Variants in SLCO1A2 observed in about 807,000 individuals in gnomAD.
SLCO1A2 encodes OATP-1.
Under a neutral mutation model 69.0 loss-of-function variants are expected in SLCO1A2, and 67 were observed. That is an observed-to-expected ratio of 0.97 (90% CI 0.80 to 1.19). The LOEUF (loss-of-function observed/expected upper bound fraction) is 1.19. Ranked by LOEUF, SLCO1A2 falls within the 50% of genes most tolerant of loss-of-function variation. SLCO1A2 has a pLI of 0.00. For missense variants in SLCO1A2, 787 were observed against 793.7 expected, an observed-to-expected ratio of 0.99 and a Z score of 0.10; for synonymous variants, 260 against 265.9, an observed-to-expected ratio of 0.98 and a Z score of 0.22.
intron 1 of SLCO1A2, among the ~76,000 whole-genome samples, chr12:21,393,977 C>T (rs1360764945): frequency 6.6e-6 from 1 of 152,128 alleles, no homozygotes; most frequent in East Asian, 1.9e-4. Context: ...GTGCTTACCT[C>T]TATAAAACAA....
intron 2 of SLCO1A2, among the ~76,000 whole-genome samples, chr12:21,324,049 A>G (rs4078): frequency 0.11 from 17,436 of 152,262 alleles, 1,093 homozygotes; most frequent in Non-Finnish European, 0.15. Flanking sequence ...CCTTGGAAGT[A>G]AACCAAGGAG....
At chr12:21,289,435 G>C (rs1462866580) in intron 12 of SLCO1A2, among the ~76,000 whole-genome samples, 1 of 152,112 alleles carries the variant, frequency 6.6e-6, no homozygotes, top group Non-Finnish European at 1.5e-5. Flanking sequence ...GAAAGACCAA[G>C]TTATTAGAAG....
intron 1 of SLCO1A2, chr12:21,379,613 G>A (rs12826421): frequency 6.6e-6 from 1 of 152,042 alleles, no homozygotes; most frequent in Non-Finnish European, 1.5e-5. Flanking sequence ...GCTTTGCTTT[G>A]AGTCAGATTC....
intron 1 of SLCO1A2, among the ~76,000 whole-genome samples, chr12:21,407,653 T>C (rs923163582): frequency 6.6e-6 from 1 of 151,890 alleles, no homozygotes; most frequent in African/African-American, 2.4e-5. Flanking sequence ...ACACAAAAAT[T>C]AGCCAGGCAT....
intron 1 of SLCO1A2, among the ~76,000 whole-genome samples, chr12:21,388,189 G>A (rs1202276170): frequency 6.6e-6 from 1 of 150,956 alleles, no homozygotes; most frequent in Non-Finnish European, 1.5e-5. Flanking sequence ...CTTTGGACTT[G>A]GACTTTTGAG....
chr12:21,361,683 T>C (rs1178957975), intron 2 of SLCO1A2, among the ~76,000 whole-genome samples: 1 of 151,992 alleles, frequency 6.6e-6, no homozygotes, highest in Non-Finnish European at 1.5e-5. Flanking sequence ...GAAAAGACAG[T>C]GTAGAGAAGT....
At chr12:21,359,263 T>G (rs10841798) in intron 2 of SLCO1A2, among the ~76,000 whole-genome samples, 14,284 of 152,184 alleles carry the variant, frequency 0.094, 1,050 homozygotes, top group East Asian at 0.4. Context: ...TAAATTAAAC[T>G]TGATAGACTC....
At chr12:21,411,808 C>A (rs918112589) in intron 1 of SLCO1A2, among the ~76,000 whole-genome samples, 1 of 152,058 alleles carries the variant, frequency 6.6e-6, no homozygotes, top group African/African-American at 2.4e-5. Context: ...CTCAGCCACC[C>A]AAGTAGCTGG....
intron 2 of SLCO1A2, among the ~76,000 whole-genome samples, chr12:21,365,744 G>A (rs957268238): frequency 6.6e-6 from 1 of 152,112 alleles, no homozygotes; most frequent in African/African-American, 2.4e-5. Context: ...TGAAGGATAT[G>A]AACAGACACT....
intron 2 of SLCO1A2, among the ~76,000 whole-genome samples, chr12:21,329,251 C>G (rs1177750117): frequency 6.6e-6 from 1 of 151,938 alleles, no homozygotes; most frequent in East Asian, 1.9e-4. Context: ...TGCATTATAC[C>G]CTCTGGTTTT....
At chr12:21,396,206 C>T (rs375105345), upstream of SLCO1A2, among the ~76,000 whole-genome samples, 19,880 of 143,110 alleles carry the variant, frequency 0.14, 1,479 homozygotes, top group Non-Finnish European at 0.17. Context: ...AACCAAGGCT[C>T]GAGAACTACG....
intron 6 of SLCO1A2, among the ~76,000 whole-genome samples, chr12:21,302,524 T>C (rs1425492611): frequency 1.3e-5 from 2 of 152,032 alleles, no homozygotes; most frequent in African/African-American, 2.4e-5. Flanking sequence ...CAACCTTATT[T>C]CTCCCTCTTG....
At chr12:21,328,745 C>G (rs924412687) in intron 2 of SLCO1A2, among the ~76,000 whole-genome samples, 2 of 138,502 alleles carry the variant, frequency 1.4e-5, no homozygotes, top group Admixed American at 1.4e-4. Flanking sequence ...GGATTTCCCC[C>G]ACCCAGTTTC....
chr12:21,277,725 C>A (rs1944127674), intron 12 of SLCO1A2, among the ~76,000 whole-genome samples: 1 of 152,168 alleles, frequency 6.6e-6, no homozygotes, highest in African/African-American at 2.4e-5. Flanking sequence ...AAGGAGTGAG[C>A]AGCCTAGATC....
Position 21,301,063 on chromosome 12 carries a change from G to T in SLCO1A2, c.688+108C>A, listed in dbSNP as rs1442018864. 8 of 567,726 alleles carry T rather than the reference G, an allele frequency of 1.4e-5. No individual in the cohort carries two copies. In the Admixed American group the frequency reaches 3.1e-4, roughly 22 times the overall value. 35.2% of individuals were successfully genotyped at this position (567,726 alleles called of 1,614,324 possible). On this transcript the variant is annotated intron_variant, in intron 7 of 14. Transcript: ENST00000683939. ...TAGAGTTTCTCACTTTTAAAGTAGA[G>T]ATCATTTATCAAATTGAAGGTCAAG...
chr12:21,305,202 AGCT>A (rs1365417728), intron 5 of SLCO1A2, among the ~76,000 whole-genome samples: 1 of 152,240 alleles, frequency 6.6e-6, no homozygotes, highest in Non-Finnish European at 1.5e-5. Context: ...TTGGAGCCGC[AGCT>A]GCTTAGTAGA....
chr12:21,378,166 T>C, intron 1 of SLCO1A2: 1 of 1,358,872 alleles, frequency 7.4e-7, no homozygotes, highest in Non-Finnish European at 1.0e-6. Context: ...TACAAGATAT[T>C]TGATGTCACA....
chr12:21,388,234 G>A (rs1940982469), intron 1 of SLCO1A2, among the ~76,000 whole-genome samples: 1 of 152,096 alleles, frequency 6.6e-6, no homozygotes, highest in African/African-American at 2.4e-5. Context: ...TTGGGGGACT[G>A]TTGGAAGGGC....
At chr12:21,310,046 A>G (rs1396855221) in intron 4 of SLCO1A2, among the ~76,000 whole-genome samples, 1 of 152,230 alleles carries the variant, frequency 6.6e-6, no homozygotes, top group Non-Finnish European at 1.5e-5. Context: ...TAGGGAAAAT[A>G]AAAAGTTATA....
Sources: gnomAD v4.1 joint callset for allele counts (sites outside exome capture counted in the v4.1 genomes callset) on GRCh38, gnomAD v4.1.1 for gene constraint, MANE v1.5 for transcripts, NCBI Gene and HGNC (gene_info 2026-07-23, HGNC 2026-07-21) for gene names.